GNG2: variants seen among roughly 807,000 people sequenced by gnomAD.
GNG2 encodes the protein guanine nucleotide-binding protein G(I)/G(S)/G(O) subunit gamma-2.
GNG2 carries 5 observed loss-of-function variants against 5.5 expected under a neutral mutation model. The ratio of observed to expected loss-of-function variants is 0.91; its 90% CI spans 0.48 to 1.92. The LOEUF (loss-of-function observed/expected upper bound fraction) is 1.92, where lower values mean the gene tolerates loss of function less well. Ranked by LOEUF, GNG2 falls within the 30% of genes most tolerant of loss-of-function variation. The probability of loss-of-function intolerance (pLI) is 0.01; values close to 1 mark genes in which losing one functional copy is unlikely to be tolerated. For synonymous variants in GNG2, 28 were observed against 32.0 expected, an observed-to-expected ratio of 0.88 and a Z score of 0.42; for missense variants, 55 against 88.4, an observed-to-expected ratio of 0.62 and a Z score of 1.52.
chr14:51,872,799 A>T (rs931677650), intron 1 of GNG2, among the ~76,000 whole-genome samples: 1 of 152,018 alleles, frequency 6.6e-6, no homozygotes, highest in Admixed American at 6.5e-5. Flanking sequence ...AAATGTCTGG[A>T]CTCTTTCATG....
At chr14:51,895,639 A>G (rs1038031063) in intron 2 of GNG2, among the ~76,000 whole-genome samples, 6 of 152,232 alleles carry the variant, frequency 3.9e-5, no homozygotes, top group African/African-American at 1.4e-4. Flanking sequence ...ATGGAAAAAA[A>G]TTATCCAGGC....
chr14:51,898,161 G>A (rs181208352), intron 2 of GNG2, among the ~76,000 whole-genome samples: 30 of 152,202 alleles, frequency 2.0e-4, no homozygotes, highest in African/African-American at 6.7e-4. Flanking sequence ...TTTTGGAGTG[G>A]CATTATTCCA....
chr14:51,877,794 A>G (rs566454175), intron 2 of GNG2, 137 bp downstream of exon 2: 22 of 239,430 alleles, frequency 9.2e-5, no homozygotes, highest in Non-Finnish European at 1.6e-4. Flanking sequence ...CCTTATCAAT[A>G]TTGACATGAC....
chr14:51,921,202 A>G (rs1283459707), intron 2 of GNG2, among the ~76,000 whole-genome samples: 1 of 152,174 alleles, frequency 6.6e-6, no homozygotes, highest in Non-Finnish European at 1.5e-5. Context: ...TACATTTCTT[A>G]ACTTCTCTGT....
At chr14:51,834,716 A>C (rs985540414) in intron 2 of GNG2, among the ~76,000 whole-genome samples, 7 of 152,190 alleles carry the variant, frequency 4.6e-5, no homozygotes, top group Admixed American at 3.3e-4. Context: ...ATGTCACCTA[A>C]GTGAATTTGG....
intron 1 of GNG2, among the ~76,000 whole-genome samples, chr14:51,876,833 T>C (rs1043724134): frequency 6.6e-6 from 1 of 152,162 alleles, no homozygotes; most frequent in African/African-American, 2.4e-5. Flanking sequence ...TCATTCATAC[T>C]ATTCTAGATG....
At chr14:51,871,126 T>C (rs1187174623) in intron 1 of GNG2, among the ~76,000 whole-genome samples, 1 of 152,168 alleles carries the variant, frequency 6.6e-6, no homozygotes, top group Admixed American at 6.5e-5. Flanking sequence ...TTTAAAGGCT[T>C]TATTTGGGAG....
intron 2 of GNG2, among the ~76,000 whole-genome samples, chr14:51,880,031 A>G (rs1443143952): frequency 6.6e-6 from 1 of 152,230 alleles, no homozygotes; most frequent in Admixed American, 6.5e-5. Context: ...GATGAAGCCA[A>G]TTCTCATCTT....
At chr14:51,924,528 G>A (rs779882234) in intron 2 of GNG2, among the ~76,000 whole-genome samples, 1 of 152,144 alleles carries the variant, frequency 6.6e-6, no homozygotes, top group Non-Finnish European at 1.5e-5. Context: ...GCAGGTCAGA[G>A]GCAAGAAGGA....
At chr14:51,962,933 T>C (rs771868871) in intron 3 of GNG2, among the ~76,000 whole-genome samples, 24 of 152,198 alleles carry the variant, frequency 1.6e-4, no homozygotes, top group Non-Finnish European at 2.9e-4. Context: ...GACTCACAAC[T>C]CAGTAGCTCA....
At chr14:51,959,737 AT>A (rs1889484195) in intron 3 of GNG2, among the ~76,000 whole-genome samples, 2 of 100,136 alleles carry the variant, frequency 2.0e-5, no homozygotes, top group African/African-American at 6.9e-5. Flanking sequence ...CCAAAAGATT[AT>A]TTTCTTAATT....
chr14:51,857,703 T>A (rs1383232213), upstream of GNG2, among the ~76,000 whole-genome samples: 1 of 151,974 alleles, frequency 6.6e-6, no homozygotes, highest in African/African-American at 2.4e-5. Context: ...GATAGTTTGG[T>A]GGTGAGAAGG....
chr14:51,952,984 C>T (rs931026447), intron 3 of GNG2, among the ~76,000 whole-genome samples: 13 of 152,212 alleles, frequency 8.5e-5, no homozygotes, highest in African/African-American at 2.9e-4. Context: ...TCTTCAGCTT[C>T]ATTCCTGCTC....
intron 2 of GNG2, among the ~76,000 whole-genome samples, chr14:51,901,780 G>A (rs1230750082): frequency 1.3e-5 from 2 of 151,996 alleles, no homozygotes; most frequent in African/African-American, 4.8e-5. Context: ...TTGGAGCATA[G>A]GCCCTCTGGG....
intron 2 of GNG2, among the ~76,000 whole-genome samples, chr14:51,900,793 C>G (rs1021306167): frequency 1.3e-5 from 2 of 151,970 alleles, no homozygotes; most frequent in Non-Finnish European, 2.9e-5. Context: ...TATTGGTCGT[C>G]TAATTGCCAG....
At chr14:51,922,805 G>A (rs1254949713) in intron 2 of GNG2, among the ~76,000 whole-genome samples, 1 of 152,174 alleles carries the variant, frequency 6.6e-6, no homozygotes, top group African/African-American at 2.4e-5. Flanking sequence ...TTGCTGGTAT[G>A]TGTTTCCTGA....
At chr14:51,873,326 C>T (rs1217069627) in intron 1 of GNG2, among the ~76,000 whole-genome samples, 3 of 152,318 alleles carry the variant, frequency 2.0e-5, no homozygotes, top group Admixed American at 1.3e-4. Context: ...CTCATAATCA[C>T]GGTGCATGTT....
At chr14:51,876,983 T>C (rs1883718070) in intron 1 of GNG2, among the ~76,000 whole-genome samples, 2 of 152,148 alleles carry the variant, frequency 1.3e-5, no homozygotes, top group African/African-American at 2.4e-5. Context: ...CTTTCTCCCG[T>C]AGGAACCACA....
intron 2 of GNG2, among the ~76,000 whole-genome samples, chr14:51,933,229 A>T (rs1046804170): frequency 2.0e-5 from 3 of 152,226 alleles, no homozygotes; most frequent in Admixed American, 6.5e-5. Flanking sequence ...GCCACAGCAA[A>T]CCAAGACAGG....
Sources: gnomAD v4.1 joint callset for allele counts (sites outside exome capture counted in the v4.1 genomes callset) on GRCh38, gnomAD v4.1.1 for gene constraint, MANE v1.5 for transcripts, NCBI Gene and HGNC (gene_info 2026-07-23, HGNC 2026-07-21) for gene names.